CYFIP1: variants seen among roughly 807,000 people sequenced by gnomAD.
CYFIP1 encodes the protein cytoplasmic FMR1 interacting protein 1.
A neutral mutation model predicts 163.5 loss-of-function variants in CYFIP1; 58 were observed. That is an observed-to-expected ratio of 0.35 (90% confidence interval 0.29 to 0.44). CYFIP1 has a LOEUF of 0.44. Among genes scored for constraint, CYFIP1 ranks in the 20% least tolerant of loss-of-function variants. The pLI is 1.00. For missense variants in CYFIP1, 1,338 were observed against 1,653.8 expected, an observed-to-expected ratio of 0.81 and a Z score of 3.31; for synonymous variants, 663 against 660.7, an observed-to-expected ratio of 1.00 and a Z score of -0.05.
intron 11 of CYFIP1, among the ~76,000 whole-genome samples, chr15:22,930,051 C>T (rs934505401): frequency 1.1e-4 from 17 of 151,126 alleles, no homozygotes; most frequent in African/African-American, 3.9e-4. Context: ...AACCTAAAGT[C>T]GAATCACTTT....
At chr15:22,948,004 G>A in intron 1 of CYFIP1, 1 of 985,066 alleles carries the variant, frequency 1.0e-6, no homozygotes, top group Non-Finnish European at 1.2e-6. Context: ...GCCCTGGGAT[G>A]GGACCAGGGG....
intron 11 of CYFIP1, 106 bp from the exon 12 acceptor site, chr15:22,928,134 TAAG>T (rs2061417183): frequency 2.3e-6 from 3 of 1,322,698 alleles, no homozygotes; most frequent in South Asian, 3.3e-5. Flanking sequence ...CGTGTGAAAA[TAAG>T]AAATGCAGGA....
rs1199182350 is a variant in CYFIP1, at chr15:22,868,374, C to CTT, written c.*1652_*1653dup. The CTT allele has an allele frequency of 6.6e-6, 1 of 150,478 alleles. No individual in the cohort carries two copies. The highest frequency in any genetic ancestry group is 6.7e-5 in the Admixed American group (1 of 14,946). 9.3% of individuals were successfully genotyped at this position (150,478 alleles called of 1,614,324 possible). On this transcript the variant is annotated 3_prime_UTR_variant, in exon 31 of 31. Transcript: ENST00000617928. ...TGCATAGGTTAATAAATAATAAATT[C>CTT]TTATTTAACATTTTGTAGCACTTGA...
rs1322902064 is a variant in CYFIP1, at chr15:22,868,751, G to A, written c.*1277C>T. On this transcript the variant is annotated 3_prime_UTR_variant, in exon 31 of 31. Transcript: ENST00000617928. ...AAAGGCCTCCGGAAAAGTAGGCGAG[G>A]CCTGCTTTTTATGGCAACTTGGCAT... The A allele has an allele frequency of 6.6e-6, 1 of 152,162 alleles. No individual in the cohort carries two copies. The highest frequency in any genetic ancestry group is 1.5e-5 in the Non-Finnish European group (1 of 68,026). 9.4% of individuals were successfully genotyped at this position (152,162 alleles called of 1,614,324 possible).
intron 21 of CYFIP1, among the ~76,000 whole-genome samples, chr15:22,908,328 A>G (rs1731196801): frequency 1.3e-5 from 2 of 152,038 alleles, no homozygotes; most frequent in South Asian, 4.1e-4. Flanking sequence ...TGAGCGCCCA[A>G]AGAGGGTGAG....
intron 1 of CYFIP1, among the ~76,000 whole-genome samples, chr15:22,955,461 C>G: frequency 6.6e-6 from 1 of 152,328 alleles, no homozygotes; most frequent in African/African-American, 2.4e-5. Context: ...AGGGGCAGGA[C>G]AGAGGCAGCA....
chr15:22,943,260 AGTGTGATCAGGTAGGC>A lies in CYFIP1; in HGVS notation c.466_481del (p.Ala156TrpfsTer14). ...AGCGAACATGTTGATGAATTTGCCC[AGTGTGATCAGGTAGGC>A]TTCTGACACGAAGTCCTTCCTCCTC... On this transcript the variant is annotated frameshift_variant, in exon 6 of 31. Transcript: ENST00000617928. LOFTEE classifies it high-confidence loss of function. The A allele has an allele frequency of 6.2e-7, 1 of 1,614,242 alleles. No individual in the cohort carries two copies. Among genetic ancestry groups the A allele is most frequent in the Non-Finnish European group, 8.5e-7 (1 of 1,180,034 alleles).
chr15:22,950,985 T>A (rs543222110), intron 1 of CYFIP1, among the ~76,000 whole-genome samples: 73 of 152,354 alleles, frequency 4.8e-4, no homozygotes, highest in African/African-American at 1.7e-3. Flanking sequence ...TTACCGTGCC[T>A]AATTTACCAA....
In CYFIP1 at chr15:22,960,483, C is replaced by T. The variant is rs531253525; in HGVS notation, c.-6-13192G>A. On this transcript the variant is annotated intron_variant, in intron 1 of 30. Transcript: ENST00000617928. ...GACTGTGAACCGAGCAGGGACCTAACGGGGAGCTTCTCAGGTAAACCAGAA... is the reference window on the plus strand; with the variant it reads ...GACTGTGAACCGAGCAGGGACCTAATGGGGAGCTTCTCAGGTAAACCAGAA... Among the ~76,000 whole-genome samples, 103 of 152,318 alleles carry T rather than the reference C, an allele frequency of 6.8e-4. No homozygotes were observed. The South Asian group carries it at 8.5e-3, about 13-fold the overall frequency.
rs1281583806 is a variant in CYFIP1 at position 22,868,317 on chromosome 15, C to G, written c.*1711G>C. ...CTTTGTACATAAAAGAACCAGTTTT[C>G]TCCCCCTTGAGGACAGAGACTCATT... On this transcript the variant is annotated 3_prime_UTR_variant, in exon 31 of 31. Transcript: ENST00000617928. 6.6e-6 allele frequency: 1 copy of G among 152,188 alleles called. No homozygotes were observed. The highest frequency in any genetic ancestry group is 2.4e-5 in the African/African-American group (1 of 41,428). The allele number at this position is 152,188 out of a possible 1,614,324, so 9.4% of individuals were successfully genotyped here.
chr15:22,952,384 G>C (rs112297667), intron 1 of CYFIP1, among the ~76,000 whole-genome samples: 3 of 151,814 alleles, frequency 2.0e-5, no homozygotes, highest in Non-Finnish European at 4.4e-5. Context: ...GGGAGGACGC[G>C]GTGGCTCCAG....
At position 22,917,332 on chromosome 15, in the gene CYFIP1, G is replaced by A; in HGVS notation, c.1674+456C>T. Reference sequence around the variant, plus strand: ...AAACCGGGTGTGAAAGTCGTGAGAAGCACCTCGGGGAGGCCTGAACACACC... The same window carrying A: ...AAACCGGGTGTGAAAGTCGTGAGAAACACCTCGGGGAGGCCTGAACACACC... On this transcript the variant is annotated intron_variant, in intron 15 of 30. Coordinates refer to ENST00000617928, the MANE Select transcript of CYFIP1 (RefSeq NM_014608.6). The surrounding 1 kb of genome is among the most constrained non-coding windows in gnomAD (Gnocchi z 4.2). 7.7e-7 allele frequency: 1 copy of A among 1,296,216 alleles called. No individual in the cohort carries two copies. Among genetic ancestry groups the A allele is most frequent in the Non-Finnish European group, 9.8e-7 (1 of 1,022,038 alleles). The allele number at this position is 1,296,216 out of a possible 1,614,324, so 80.3% of individuals were successfully genotyped here.
chr15:22,930,238 A>G (rs1171171447), intron 11 of CYFIP1, among the ~76,000 whole-genome samples: 1 of 150,950 alleles, frequency 6.6e-6, no homozygotes, highest in African/African-American at 2.4e-5. Flanking sequence ...AAACACACAC[A>G]CAAAAATTAG....
intron 10 of CYFIP1, 59 bp from the exon 11 acceptor site, chr15:22,932,399 G>C: frequency 8.3e-7 from 1 of 1,210,298 alleles, no homozygotes; most frequent in Non-Finnish European, 1.1e-6. Flanking sequence ...CACAGCACTG[G>C]GGCAGCTCAG....
intron 1 of CYFIP1, among the ~76,000 whole-genome samples, chr15:22,964,107 C>T (rs1178736305): frequency 1.3e-5 from 2 of 150,216 alleles, no homozygotes; most frequent in African/African-American, 2.5e-5. Flanking sequence ...ATATGTGTAC[C>T]TTGTGGAATG....
At chr15:22,870,280 T>A in intron 30 of CYFIP1, 88 bp from the exon 31 acceptor site, 1 of 1,456,476 alleles carries the variant, frequency 6.9e-7, no homozygotes, top group Non-Finnish European at 9.3e-7. Context: ...TTATATTTTC[T>A]CAGAAAAATA....
chr15:22,929,313 A>G lies in CYFIP1; in HGVS notation c.1111-1285T>C, dbSNP rs139604594. On this transcript the variant is annotated intron_variant, in intron 11 of 30. Transcript: ENST00000617928. ...CATAAAACAATTTCTAGTCACTGTA[A>G]TTAGTAGTGCTGGCATTGCTCTTTT... Among the ~76,000 whole-genome samples, 52 of 151,976 alleles carry G rather than the reference A, an allele frequency of 3.4e-4. 1 individual carries two copies. In the East Asian group the frequency reaches 9.7e-3, roughly 28 times the overall value.
intron 23 of CYFIP1, among the ~76,000 whole-genome samples, chr15:22,885,286 C>G (rs1339800203): frequency 6.6e-6 from 1 of 152,176 alleles, no homozygotes; most frequent in African/African-American, 2.4e-5. Context: ...TACCACGTAT[C>G]TCTAGGGCGG....
intron 29 of CYFIP1, 93 bp from the exon 30 acceptor site, chr15:22,873,065 C>G (rs530806611): frequency 1.4e-6 from 2 of 1,380,890 alleles, no homozygotes; most frequent in Non-Finnish European, 2.0e-6. Context: ...ACCAAGCCAT[C>G]TGCATTACTG....
Sources: allele counts gnomAD v4.1 joint callset (sites outside exome capture counted in the v4.1 genomes callset), GRCh38; gene constraint gnomAD v4.1.1; non-coding constraint Gnocchi (gnomAD v3.1); transcripts MANE v1.5; gene names NCBI Gene and HGNC (gene_info 2026-07-23, HGNC 2026-07-21).